SNTG2: variants seen among roughly 807,000 people sequenced by gnomAD.
SNTG2 encodes the protein gamma-2-syntrophin.
SNTG2 carries 74 observed loss-of-function variants against 70.9 expected under a neutral mutation model. The ratio of observed to expected loss-of-function variants is 1.04; its 90% CI spans 0.86 to 1.27. The LOEUF (loss-of-function observed/expected upper bound fraction) is 1.27. SNTG2 is among the 50% of genes most tolerant of loss of function. SNTG2 has a pLI of 0.00. For synonymous variants in SNTG2, 278 were observed against 273.8 expected (o/e 1.02, Z -0.15); for missense variants, 717 against 690.7 (o/e 1.04, Z -0.43).
chr2:951,133 C>T (rs926991766), intron 1 of SNTG2, 65 bp downstream of exon 1: 2 of 700,742 alleles, frequency 2.9e-6, no homozygotes, highest in Non-Finnish European at 4.0e-6. Context: ...GCGCCCTTCT[C>T]CCCCCGCCCC....
intron 14 of SNTG2, among the ~76,000 whole-genome samples, chr2:1,288,372 G>T (rs542206841): frequency 8.3e-4 from 127 of 152,272 alleles, no homozygotes; most frequent in African/African-American, 2.8e-3. Context: ...ATCTCTGAAG[G>T]TCTGAAGAAG....
intron 6 of SNTG2, among the ~76,000 whole-genome samples, chr2:1,147,099 A>G (rs778322051): frequency 1.1e-4 from 17 of 152,186 alleles, no homozygotes; most frequent in Non-Finnish European, 1.9e-4. Context: ...GTGTATTTCC[A>G]GTTGTACAAA....
chr2:1,216,415 T>G (rs962440293), intron 9 of SNTG2, among the ~76,000 whole-genome samples: 1 of 152,238 alleles, frequency 6.6e-6, no homozygotes, highest in African/African-American at 2.4e-5. Context: ...TGTTTTTTTC[T>G]TGTAAATTTG....
chr2:1,135,469 C>T (rs1668319747), intron 4 of SNTG2, among the ~76,000 whole-genome samples: 2 of 152,200 alleles, frequency 1.3e-5, no homozygotes, highest in African/African-American at 4.8e-5. Context: ...CCTGTAATCC[C>T]AGCACTTTGG....
chr2:1,291,639 A>G (rs954292335), intron 14 of SNTG2, among the ~76,000 whole-genome samples: 4 of 152,224 alleles, frequency 2.6e-5, no homozygotes, highest in Non-Finnish European at 2.9e-5. Context: ...CAACTTTGTT[A>G]GGAATTATCT....
intron 6 of SNTG2, among the ~76,000 whole-genome samples, chr2:1,147,552 A>C (rs992213653): frequency 2.6e-5 from 4 of 152,242 alleles, no homozygotes; most frequent in Non-Finnish European, 4.4e-5. Flanking sequence ...CTCAGCATGC[A>C]GATGGCCTAT....
At chr2:1,188,033 A>C (rs1318590163) in intron 8 of SNTG2, among the ~76,000 whole-genome samples, 2 of 152,252 alleles carry the variant, frequency 1.3e-5, no homozygotes, top group African/African-American at 2.4e-5. Flanking sequence ...ATGTAAATGC[A>C]GATGGCTCTA....
In SNTG2 at chr2:1,190,495, CTATATATATATATATATATATATA is replaced by C. The variant is rs72001718; in HGVS notation, c.591+17334_591+17357del. Among the ~76,000 whole-genome samples, 52 of 90,768 alleles carry C rather than the reference CTATATATATATATATATATATATA, an allele frequency of 5.7e-4. 1 individual carries two copies. The highest frequency in any genetic ancestry group is 7.7e-3 in the Middle Eastern group (1 of 130). The allele number at this position is 90,768 out of a possible 152,430, so 59.5% of individuals were successfully genotyped here. On this transcript the variant is annotated intron_variant, in intron 8 of 16. Coordinates refer to ENST00000308624, the MANE Select transcript of SNTG2 (RefSeq NM_018968.4). ...TGGAACCACAAATATGGAGGGCTGA[CTATATATATATATATATATATATA>C]TATATATATATATATATATATGACA...
At chr2:1,265,032 G>A (rs187071218) in intron 13 of SNTG2, among the ~76,000 whole-genome samples, 4 of 152,322 alleles carry the variant, frequency 2.6e-5, no homozygotes, top group Admixed American at 6.5e-5. Context: ...GAGAGTTGGC[G>A]CCCCTAACCC....
intron 1 of SNTG2, among the ~76,000 whole-genome samples, chr2:1,082,941 G>T (rs1572388741): frequency 6.6e-6 from 1 of 152,106 alleles, no homozygotes; most frequent in East Asian, 1.9e-4. Context: ...TCCACATTGT[G>T]TTGCTTGCTG....
intron 1 of SNTG2, among the ~76,000 whole-genome samples, chr2:996,619 G>T (rs1397608068): frequency 7.3e-6 from 1 of 137,518 alleles, no homozygotes; most frequent in African/African-American, 2.8e-5. Flanking sequence ...TGTATATATT[G>T]GTGGAAACCA....
chr2:1,131,885 C>T (rs10210080), intron 4 of SNTG2, among the ~76,000 whole-genome samples: 55,117 of 151,852 alleles, frequency 0.36, 10,833 homozygotes, highest in Middle Eastern at 0.47. Context: ...CTCCTGACCT[C>T]GTGATCCGCC....
intron 16 of SNTG2, among the ~76,000 whole-genome samples, chr2:1,357,973 T>G (rs186375186): frequency 6.6e-6 from 1 of 152,278 alleles, no homozygotes. Flanking sequence ...TTATTTCTTA[T>G]ACTTTTGGAC....
intron 1 of SNTG2, among the ~76,000 whole-genome samples, chr2:1,040,994 A>T (rs1184917175): frequency 6.6e-6 from 1 of 152,192 alleles, no homozygotes; most frequent in Non-Finnish European, 1.5e-5. Flanking sequence ...GGTGGAGGCT[A>T]ATGTTAAATT....
At chr2:1,299,981 C>CTG (rs67031498) in intron 14 of SNTG2, among the ~76,000 whole-genome samples, 98,798 of 150,618 alleles carry the variant, frequency 0.66, 32,578 homozygotes, top group African/African-American at 0.72. Flanking sequence ...AATGAGGGCA[C>CTG]TTACCATCAC....
Position 973,503 on chromosome 2 carries a change from C to T in SNTG2, c.72+22435C>T, listed in dbSNP as rs900225323. Among the ~76,000 whole-genome samples, 4 of 148,332 alleles carry T rather than the reference C, an allele frequency of 2.7e-5. No individual in the cohort carries two copies. In the Middle Eastern group the frequency reaches 0.01, roughly 381 times the overall value. ...AACCTGTTTGGGATTCTCTGGGCTT[C>T]TTGGGGGTGTGTGTGTATATACATG... On this transcript the variant is annotated intron_variant, in intron 1 of 16. Coordinates refer to ENST00000308624, the MANE Select transcript of SNTG2 (RefSeq NM_018968.4).
chr2:1,024,784 C>T (rs951508430), intron 1 of SNTG2, among the ~76,000 whole-genome samples: 9 of 152,160 alleles, frequency 5.9e-5, no homozygotes, highest in Non-Finnish European at 1.3e-4. Flanking sequence ...CAGTGACTTA[C>T]ACTAGCAAAT....
At chr2:1,010,802 C>T (rs1434380387) in intron 1 of SNTG2, among the ~76,000 whole-genome samples, 1 of 152,156 alleles carries the variant, frequency 6.6e-6, no homozygotes, top group Non-Finnish European at 1.5e-5. Flanking sequence ...GTGGCTTGAC[C>T]CCAGGCAGGG....
At chr2:1,092,038 T>G (rs1665060115) in intron 2 of SNTG2, among the ~76,000 whole-genome samples, 1 of 152,200 alleles carries the variant, frequency 6.6e-6, no homozygotes, top group South Asian at 2.1e-4. Flanking sequence ...AAAGGGAATG[T>G]CCAACTCTGT....
Sources: allele counts gnomAD v4.1 joint callset (sites outside exome capture counted in the v4.1 genomes callset), GRCh38; gene constraint gnomAD v4.1.1; transcripts MANE v1.5; gene names NCBI Gene and HGNC (gene_info 2026-07-23, HGNC 2026-07-21).